Variants in DPYS observed in about 807,000 individuals in gnomAD.
DPYS encodes the protein dihydropyrimidinase, also known as dihydropyrimidine amidohydrolase.
A neutral mutation model predicts 50.3 loss-of-function variants in DPYS; 39 were observed. That is an observed-to-expected ratio of 0.78 (90% confidence interval 0.60 to 1.01). The LOEUF (loss-of-function observed/expected upper bound fraction) is 1.01, where lower values mean the gene tolerates loss of function less well. Ranked by LOEUF, DPYS falls within the 50% of genes least tolerant of loss-of-function variation. DPYS has a pLI of 0.00. For synonymous variants in DPYS, 245 were observed against 250.7 expected (o/e 0.98, Z 0.22); for missense variants, 659 against 680.9 (o/e 0.97, Z 0.36).
Position 104,447,440 on chromosome 8 carries a change from C to A in DPYS, c.487G>T (p.Ala163Ser). 6.2e-7 allele frequency: 1 copy of A among 1,614,002 alleles called. No individual in the cohort carries two copies. Among genetic ancestry groups the A allele is most frequent in the South Asian group, 1.1e-5 (1 of 91,050 alleles). The change falls in exon 3 of 10, where the codon GCC becomes TCC. Residue 163 changes from alanine to serine, a missense_variant. Coordinates refer to ENST00000351513, the MANE Select transcript of DPYS (RefSeq NM_001385.3). ...GTCACCATGTACAGATCTTTATAGG[C>A]CATAAACATCTTGAAAGAGTTAACA... ...KGVNSFKMFM[A>S]YKDLYMVTDL...
At chr8:104,399,299 AAAAAAAAAAAACAACAAC>A (rs1359228815) in intron 7 of DPYS, among the ~76,000 whole-genome samples, 4 of 46,994 alleles carry the variant, frequency 8.5e-5, no homozygotes, top group Non-Finnish European at 2.6e-4. Context: ...TCAAAAAAAA[AAAAAAAAAAAACAACAAC>A]AAAAAAAAAC....
At chr8:104,466,579 T>C in intron 1 of DPYS, 78 bp downstream of exon 1, 1 of 1,416,914 alleles carries the variant, frequency 7.1e-7, no homozygotes, top group Non-Finnish European at 9.2e-7. Flanking sequence ...GCGGCCCTGC[T>C]GAGGACCCCG....
chr8:104,464,704 G>C (rs1291173792), intron 1 of DPYS, among the ~76,000 whole-genome samples: 1 of 152,218 alleles, frequency 6.6e-6, no homozygotes, highest in Non-Finnish European at 1.5e-5. Context: ...ATGTAAAATA[G>C]AGCATGCTAA....
In DPYS at chr8:104,440,758, C is replaced by CA. The variant is rs553243915; in HGVS notation, c.793+3489dup. Among the ~76,000 whole-genome samples the CA allele has an allele frequency of 9.4e-4, 129 of 137,902 alleles. 1 individual carries two copies. In the Middle Eastern group the frequency reaches 0.019, roughly 21 times the overall value. The allele number at this position is 137,902 out of a possible 152,430, so 90.5% of individuals were successfully genotyped here. A position where few individuals can be genotyped will look rare whatever the true frequency, so the allele number is the denominator to read the frequency against. On this transcript the variant is annotated intron_variant, in intron 4 of 9. Coordinates refer to ENST00000351513, the MANE Select transcript of DPYS (RefSeq NM_001385.3). ...TGGGTGACAGAGTGAGAACCTGTCTCAAAAAAAAAACATAAAACAAAAAAC... is the reference window on the plus strand; with the variant it reads ...TGGGTGACAGAGTGAGAACCTGTCTCAAAAAAAAAAACATAAAACAAAAAAC...
intron 7 of DPYS, among the ~76,000 whole-genome samples, chr8:104,398,729 G>A (rs1408667450): frequency 6.6e-6 from 1 of 152,212 alleles, no homozygotes; most frequent in Non-Finnish European, 1.5e-5. Context: ...GTTTAGCACA[G>A]TATCTTAACA....
At chr8:104,428,952 T>C (rs542590416) in intron 5 of DPYS, among the ~76,000 whole-genome samples, 3 of 152,042 alleles carry the variant, frequency 2.0e-5, no homozygotes, top group South Asian at 4.2e-4. Context: ...TGCCTCAGCC[T>C]CCCGAGTAAC....
At chr8:104,445,999 C>T (rs918444856) in intron 3 of DPYS, among the ~76,000 whole-genome samples, 5 of 152,098 alleles carry the variant, frequency 3.3e-5, no homozygotes, top group Non-Finnish European at 5.9e-5. Flanking sequence ...GAGCTGAGAT[C>T]GCACCACTGC....
intron 1 of DPYS, among the ~76,000 whole-genome samples, chr8:104,453,189 C>A (rs2140743183): frequency 6.6e-6 from 1 of 152,278 alleles, no homozygotes. Context: ...TTTTTGCTCT[C>A]AAAAATTTCA....
Position 104,444,319 on chromosome 8 carries a change from T to G in DPYS, c.722A>C (p.Asn241Thr). The change falls in exon 4 of 10, where the codon AAC becomes ACC. Residue 241 changes from asparagine to threonine, a missense_variant. Coordinates refer to ENST00000351513, the MANE Select transcript of DPYS (RefSeq NM_001385.3). ...CACATGCACAATGTAGAGAGGACAG[T>G]TCACAGCGCTGGCTATGGTGATGGC... Reference protein sequence around the residue: ...LRAITIASAVNCPLYIVHVMS... With the variant: ...LRAITIASAVTCPLYIVHVMS... 2 of 1,614,230 alleles carry G rather than the reference T, an allele frequency of 1.2e-6. No homozygotes were observed. Among genetic ancestry groups the G allele is most frequent in the Non-Finnish European group, 1.7e-6 (2 of 1,180,036 alleles).
intron 1 of DPYS, among the ~76,000 whole-genome samples, chr8:104,452,764 C>G (rs1194345388): frequency 6.6e-6 from 1 of 152,074 alleles, no homozygotes; most frequent in Non-Finnish European, 1.5e-5. Flanking sequence ...CCACTTGAGC[C>G]CGGGAGTTTG....
intron 7 of DPYS, among the ~76,000 whole-genome samples, chr8:104,395,699 A>AATTC (rs1157572306): frequency 6.6e-6 from 1 of 152,204 alleles, no homozygotes. Flanking sequence ...TCACCCACTG[A>AATTC]AGGCCATTTG....
At chr8:104,433,582 C>T (rs370273130) in intron 4 of DPYS, among the ~76,000 whole-genome samples, 100 of 152,070 alleles carry the variant, frequency 6.6e-4, no homozygotes, top group African/African-American at 2.2e-3. Context: ...TGCAGTGAGC[C>T]AAGGTCATGC....
At chr8:104,461,908 T>C (rs1029278266) in intron 1 of DPYS, among the ~76,000 whole-genome samples, 7 of 152,154 alleles carry the variant, frequency 4.6e-5, no homozygotes, top group African/African-American at 1.4e-4. Flanking sequence ...CCAATCAGTA[T>C]GCCCAATTTG....
chr8:104,408,818 G>GTTT, intron 7 of DPYS, among the ~76,000 whole-genome samples: 1 of 143,492 alleles, frequency 7.0e-6, no homozygotes. Flanking sequence ...TTTTTTGTTT[G>GTTT]TTTTTTTTTT....
At chr8:104,428,200 T>C (rs1812804316) in intron 5 of DPYS, 79 bp from the exon 6 acceptor site, 4 of 1,580,714 alleles carry the variant, frequency 2.5e-6, no homozygotes, top group Non-Finnish European at 3.5e-6. Context: ...CCTTTCCTAA[T>C]CTCCTGGCTC....
chr8:104,429,730 C>T (rs753882431), intron 4 of DPYS, 29 bp from the exon 5 acceptor site: 5 of 1,613,768 alleles, frequency 3.1e-6, no homozygotes, highest in East Asian at 2.2e-5. Flanking sequence ...GCATTCATCA[C>T]TTTAATTTTA....
intron 4 of DPYS, among the ~76,000 whole-genome samples, chr8:104,436,464 G>A (rs908621310): frequency 2.6e-5 from 4 of 152,134 alleles, no homozygotes; most frequent in Non-Finnish European, 5.9e-5. Context: ...ACAAAAATTA[G>A]CTGGGCATGG....
chr8:104,403,879 G>A (rs1811908112), intron 7 of DPYS, among the ~76,000 whole-genome samples: 1 of 152,152 alleles, frequency 6.6e-6, no homozygotes, highest in African/African-American at 2.4e-5. Context: ...AAAAGTCAGA[G>A]AGAACTTCAA....
chr8:104,393,908 C>T (rs1288349908), intron 7 of DPYS, among the ~76,000 whole-genome samples: 1 of 152,166 alleles, frequency 6.6e-6, no homozygotes, highest in Non-Finnish European at 1.5e-5. Flanking sequence ...ACCCATCACC[C>T]AAACAGTGTA....
Sources: gnomAD v4.1 joint callset for allele counts (sites outside exome capture counted in the v4.1 genomes callset) on GRCh38, gnomAD v4.1.1 for gene constraint, MANE v1.5 for transcripts, NCBI Gene and HGNC (gene_info 2026-07-23, HGNC 2026-07-21) for gene names.